Variants in ZNF592 observed in about 807,000 individuals in gnomAD.
The protein encoded by ZNF592 is spinocerebellar ataxia, autosomal recessive 5.
In ZNF592, 11 loss-of-function variants were observed where a neutral mutation model predicts 80.3. The observed-to-expected ratio is 0.14, with a 90% CI of 0.09 to 0.23. The LOEUF (loss-of-function observed/expected upper bound fraction) is 0.23, where lower values mean the gene tolerates loss of function less well. ZNF592 is among the 10% of genes least tolerant of loss of function. The probability of loss-of-function intolerance (pLI) is 1.00; values close to 1 mark genes in which losing one functional copy is unlikely to be tolerated. For missense variants in ZNF592, 1,420 were observed against 1,633.9 expected (o/e 0.87, Z 2.26); for synonymous variants, 646 against 640.3 (o/e 1.01, Z -0.13).
intron 5 of ZNF592, among the ~76,000 whole-genome samples, chr15:84,794,487 T>C (rs1248453238): frequency 6.6e-6 from 1 of 152,092 alleles, no homozygotes; most frequent in Non-Finnish European, 1.5e-5. Context: ...CCAACTTTTT[T>C]TTTTTTTTGA....
rs1963165114 is a variant in ZNF592 at position 84,803,710 on chromosome 15, T to G, written c.*1317T>G. ...AATTTTCTTATAGCATTCAAGAGGT[T>G]TCTTATTTCTTACAGCATCGCTACT... On this transcript the variant is annotated 3_prime_UTR_variant, in exon 11 of 11. Coordinates refer to ENST00000560079, the MANE Select transcript of ZNF592 (RefSeq NM_014630.3). 1 of 152,210 alleles carries G rather than the reference T, an allele frequency of 6.6e-6. No homozygotes were observed. The highest frequency in any genetic ancestry group is 1.5e-5 in the Non-Finnish European group (1 of 68,038). The allele number at this position is 152,210 out of a possible 1,614,324, so 9.4% of individuals were successfully genotyped here.
chr15:84,784,208 C>G lies in ZNF592; in HGVS notation c.1533C>G (p.Val511=), dbSNP rs1489391441. 6.2e-7 allele frequency: 1 copy of G among 1,614,214 alleles called. No individual in the cohort carries two copies. Among genetic ancestry groups the G allele is most frequent in the Non-Finnish European group, 8.5e-7 (1 of 1,180,038 alleles). The change falls in exon 4 of 11, where the codon GTC becomes GTG. Residue 511 remains valine (V), a synonymous_variant. Coordinates refer to ENST00000560079, the MANE Select transcript of ZNF592 (RefSeq NM_014630.3). This position sits in a 1 kb window ranked among gnomAD's most constrained non-coding sequence, Gnocchi z 5.8. ...TGCACTTGGCCAACCTGAACCTCGT[C>G]CCCCACAGTGTTGCTGCATCAGTGA... is the stretch of plus-strand genomic sequence containing the variant. The part of the protein sequence containing the change: ...KAVHLANLNL[V]PHSVAASVTA...
rs564906988 is a variant in ZNF592, at chr15:84,764,351, A to G, written c.-258-356A>G. Among the ~76,000 whole-genome samples the G allele has an allele frequency of 3.3e-5, 5 of 152,314 alleles. No individual in the cohort carries two copies. The East Asian group carries it at 9.6e-4, about 29-fold the overall frequency. On this transcript the variant is annotated intron_variant, in intron 1 of 10. Coordinates refer to ENST00000560079, the MANE Select transcript of ZNF592 (RefSeq NM_014630.3). ...ACAGTGTTTTAAGAGCTTTATAAAT[A>G]TTAACTCATTTGATCCCTATAATAG...
At chr15:84,793,541 G>C (rs773768481) in intron 5 of ZNF592, among the ~76,000 whole-genome samples, 2 of 152,240 alleles carry the variant, frequency 1.3e-5, no homozygotes, top group Non-Finnish European at 2.9e-5. Flanking sequence ...AGGGATTACT[G>C]AAGATAGCGA....
rs992440560 is a variant in ZNF592 at position 84,767,467 on chromosome 15, C to T, written c.-150+2652C>T. Among the ~76,000 whole-genome samples the T allele has an allele frequency of 4.6e-5, 7 of 152,268 alleles. No homozygotes were observed. In the South Asian group the frequency reaches 1.5e-3, roughly 32 times the overall value. On this transcript the variant is annotated intron_variant, in intron 2 of 10. Transcript: ENST00000560079. ...TACAAAGTTTACTGGGAGGAACACA[C>T]CAGGATGGTGTGTGAACAAGAGGAG... is the stretch of plus-strand genomic sequence containing the variant.
In ZNF592 at chr15:84,802,424, G is replaced by T; in HGVS notation, c.*31G>T. 6.2e-7 allele frequency: 1 copy of T among 1,612,018 alleles called. No individual in the cohort carries two copies. The highest frequency in any genetic ancestry group is 1.1e-5 in the South Asian group (1 of 90,912). The stretch of plus-strand genomic sequence containing the variant: ...GACTTTGCAGTGTGCATGGTCAGGG[G>T]TGGTGCCGAAGTGTCTTCCACCTGC... On this transcript the variant is annotated 3_prime_UTR_variant, in exon 11 of 11. Transcript: ENST00000560079.
chr15:84,787,720 G>A (rs895089531), intron 4 of ZNF592, among the ~76,000 whole-genome samples: 3 of 152,168 alleles, frequency 2.0e-5, no homozygotes, highest in Non-Finnish European at 2.9e-5. Context: ...ATTAATAACA[G>A]TCCCTTAGTA....
chr15:84,787,352 ATCTCATGCCACTCATTGT>A (rs1962619328), intron 4 of ZNF592, among the ~76,000 whole-genome samples: 1 of 152,098 alleles, frequency 6.6e-6, no homozygotes, highest in South Asian at 2.1e-4. Context: ...CCCTCACAAA[ATCTCATGCCACTCATTGT>A]GGCTTCTGAG....
In ZNF592 at chr15:84,801,739, G is replaced by C. The variant is rs965867368; in HGVS notation, c.3274-124G>C. The C allele has an allele frequency of 1.0e-5, 14 of 1,383,476 alleles. No homozygotes were observed. In the Admixed American group the frequency reaches 2.1e-4, roughly 21 times the overall value. 85.7% of individuals were successfully genotyped at this position (1,383,476 alleles called of 1,614,324 possible). On this transcript the variant is annotated intron_variant, in intron 10 of 10. Transcript: ENST00000560079. The stretch of plus-strand genomic sequence containing the variant: ...TGAAACAAACCAAACGTAAACCAGC[G>C]TTCAGGGCTGGGGTGACCCTGGCCT...
At chr15:84,785,263 GA>G (rs1476081184) in intron 4 of ZNF592, among the ~76,000 whole-genome samples, 1 of 152,086 alleles carries the variant, frequency 6.6e-6, no homozygotes, top group East Asian at 1.9e-4. Context: ...TGGGGACAGA[GA>G]TAGCTGAGTC....
chr15:84,801,770 G>A (rs1195225495), intron 10 of ZNF592, 93 bp from the exon 11 acceptor site: 1 of 1,596,732 alleles, frequency 6.3e-7, no homozygotes, highest in African/African-American at 1.3e-5. Context: ...GGCCTGGGTG[G>A]TGCTTTCTTT....
At chr15:84,769,429 T>C (rs906792637) in intron 2 of ZNF592, among the ~76,000 whole-genome samples, 1 of 151,704 alleles carries the variant, frequency 6.6e-6, no homozygotes. Context: ...AGAACGGTCA[T>C]GGAAGGCTCC....
intron 2 of ZNF592, among the ~76,000 whole-genome samples, chr15:84,777,395 G>A (rs758743753): frequency 3.1e-4 from 47 of 149,566 alleles, no homozygotes; most frequent in Non-Finnish European, 6.1e-4. Context: ...AGAGTTGCTG[G>A]AACCCGGGAA....
intron 4 of ZNF592, 45 bp from the exon 5 acceptor site, chr15:84,790,660 G>A: frequency 1.2e-6 from 2 of 1,606,254 alleles, no homozygotes; most frequent in Middle Eastern, 3.3e-4. Context: ...AGAGCCACAG[G>A]CCTATGGCCC....
chr15:84,763,995 T>C (rs1243985640), intron 1 of ZNF592, among the ~76,000 whole-genome samples: 1 of 152,236 alleles, frequency 6.6e-6, no homozygotes, highest in Non-Finnish European at 1.5e-5. Flanking sequence ...AAAAGAGTTC[T>C]GCCGACTTTC....
At chr15:84,765,295 C>CT (rs1425352186) in intron 2 of ZNF592, among the ~76,000 whole-genome samples, 1 of 152,054 alleles carries the variant, frequency 6.6e-6, no homozygotes, top group Non-Finnish European at 1.5e-5. Flanking sequence ...TTACTTCCAC[C>CT]TTTGAGTGTT....
At chr15:84,757,400 C>T (rs1899207596) in intron 1 of ZNF592, among the ~76,000 whole-genome samples, 1 of 148,328 alleles carries the variant, frequency 6.7e-6, no homozygotes, top group South Asian at 2.1e-4. Flanking sequence ...AGTTGGAGTG[C>T]AGTGGTGCAA....
chr15:84,766,809 T>A (rs1185259832), intron 2 of ZNF592, among the ~76,000 whole-genome samples: 1 of 149,372 alleles, frequency 6.7e-6, no homozygotes, highest in Non-Finnish European at 1.5e-5. Context: ...CACCAGCTCG[T>A]AAACTCCTGT....
At chr15:84,796,979 C>A (rs933267875) in intron 5 of ZNF592, among the ~76,000 whole-genome samples, 6 of 152,118 alleles carry the variant, frequency 3.9e-5, no homozygotes, top group African/African-American at 1.4e-4. Flanking sequence ...CGCTCCCCCC[C>A]AAGAGACAGG....
Sources: allele counts gnomAD v4.1 joint callset (sites outside exome capture counted in the v4.1 genomes callset), GRCh38; gene constraint gnomAD v4.1.1; non-coding constraint Gnocchi (gnomAD v3.1); transcripts MANE v1.5; gene names NCBI Gene and HGNC (gene_info 2026-07-23, HGNC 2026-07-21).